The following VOPP1 variants were observed in gnomAD, a reference collection of about 807,000 sequenced individuals.
The protein encoded by VOPP1 is VOPP1 WW domain binding protein.
VOPP1 carries 8 observed loss-of-function variants against 23.5 expected under a neutral mutation model. The ratio of observed to expected loss-of-function variants is 0.34; its 90% CI spans 0.20 to 0.61. The LOEUF (loss-of-function observed/expected upper bound fraction) is 0.61. Among genes scored for constraint, VOPP1 ranks in the 20% least tolerant of loss-of-function variants. The probability of loss-of-function intolerance (pLI) is 0.78; values close to 1 mark genes in which losing one functional copy is unlikely to be tolerated. For synonymous variants in VOPP1, 83 were observed against 97.3 expected (o/e 0.85, Z 0.86); for missense variants, 174 against 238.1 (o/e 0.73, Z 1.77).
intron 1 of VOPP1, among the ~76,000 whole-genome samples, chr7:55,531,594 C>T (rs537653864): frequency 1.3e-5 from 2 of 152,232 alleles, no homozygotes; most frequent in East Asian, 3.9e-4. Flanking sequence ...TCAGGGGATC[C>T]GCCCACCTCG....
chr7:55,525,412 T>A (rs1796119083), intron 1 of VOPP1, among the ~76,000 whole-genome samples: 1 of 150,164 alleles, frequency 6.7e-6, no homozygotes, highest in African/African-American at 2.5e-5. Context: ...TGGCGTGAAC[T>A]CGGGAGGCGG....
chr7:55,462,591 T>C (rs936810017), intron 4 of VOPP1, among the ~76,000 whole-genome samples: 3 of 152,024 alleles, frequency 2.0e-5, no homozygotes, highest in Non-Finnish European at 4.4e-5. Flanking sequence ...TCAAAAGACC[T>C]GTCTTCAAAT....
At chr7:55,486,356 G>C (rs1793141586) in intron 4 of VOPP1, among the ~76,000 whole-genome samples, 1 of 152,222 alleles carries the variant, frequency 6.6e-6, no homozygotes, top group Admixed American at 6.5e-5. Context: ...AAAAACAGCT[G>C]CTGCTTTTGT....
chr7:55,552,830 C>T (rs1797667294), intron 1 of VOPP1: 2 of 1,439,956 alleles, frequency 1.4e-6, no homozygotes, highest in Admixed American at 2.7e-5. Flanking sequence ...CATGCTCAAC[C>T]CAGAAAGGTG....
chr7:55,475,737 G>C (rs549969649), intron 4 of VOPP1, among the ~76,000 whole-genome samples: 5 of 152,224 alleles, frequency 3.3e-5, no homozygotes, highest in Non-Finnish European at 7.3e-5. Context: ...AAGAGGCTGG[G>C]GTTGCAGAAA....
intron 4 of VOPP1, among the ~76,000 whole-genome samples, chr7:55,465,041 C>G (rs563010827): frequency 6.6e-6 from 1 of 152,288 alleles, no homozygotes; most frequent in South Asian, 2.1e-4. Flanking sequence ...TGCAGCTGGA[C>G]CAGCTGCTTT....
chr7:55,488,563 C>T (rs1017353679), intron 4 of VOPP1, among the ~76,000 whole-genome samples: 2 of 152,230 alleles, frequency 1.3e-5, no homozygotes, highest in East Asian at 1.9e-4. Flanking sequence ...CTCCCCTCCC[C>T]GACCAGAAGC....
At chr7:55,499,880 C>T (rs966577843) in intron 2 of VOPP1, among the ~76,000 whole-genome samples, 1 of 152,128 alleles carries the variant, frequency 6.6e-6, no homozygotes, top group Non-Finnish European at 1.5e-5. Flanking sequence ...CAAACAGTAC[C>T]TTCTGCAATT....
chr7:55,448,720 C>T (rs1426394917), intron 4 of VOPP1, among the ~76,000 whole-genome samples: 1 of 152,230 alleles, frequency 6.6e-6, no homozygotes, highest in East Asian at 1.9e-4. Context: ...CTCAGGTCTC[C>T]CGCATCCTAT....
At chr7:55,485,083 G>A (rs571947697) in intron 4 of VOPP1, among the ~76,000 whole-genome samples, 11 of 152,086 alleles carry the variant, frequency 7.2e-5, no homozygotes, top group Admixed American at 2.0e-4. Context: ...ATTAGCCCTG[G>A]GATTCTGTGA....
downstream of VOPP1, among the ~76,000 whole-genome samples, chr7:55,467,311 G>T (rs1273123572): frequency 6.6e-6 from 1 of 152,234 alleles, no homozygotes; most frequent in Non-Finnish European, 1.5e-5. Flanking sequence ...TGCACATGGG[G>T]TGAGGGGCAG....
intron 1 of VOPP1, among the ~76,000 whole-genome samples, chr7:55,566,479 T>C (rs963657752): frequency 2.2e-5 from 3 of 138,490 alleles, no homozygotes; most frequent in African/African-American, 8.3e-5. Context: ...GGAGAATCAC[T>C]TGAACCCAAA....
intron 1 of VOPP1, among the ~76,000 whole-genome samples, chr7:55,538,104 A>G (rs4327820): frequency 6.6e-6 from 1 of 152,162 alleles, no homozygotes; most frequent in East Asian, 1.9e-4. Flanking sequence ...CACCTCTTTC[A>G]CCAGCTGAAC....
intron 2 of VOPP1, among the ~76,000 whole-genome samples, chr7:55,507,990 T>C (rs1046683190): frequency 3.3e-5 from 5 of 152,328 alleles, no homozygotes; most frequent in African/African-American, 1.2e-4. Context: ...CTCTGACTTG[T>C]ATAAACCCAA....
intron 4 of VOPP1, among the ~76,000 whole-genome samples, chr7:55,446,412 A>T (rs1791103493): frequency 6.6e-6 from 1 of 152,224 alleles, no homozygotes; most frequent in Admixed American, 6.5e-5. Flanking sequence ...TAAACTGTGC[A>T]CATGTAACTT....
intron 4 of VOPP1, among the ~76,000 whole-genome samples, chr7:55,447,010 T>C (rs1023107603): frequency 6.6e-6 from 1 of 152,200 alleles, no homozygotes; most frequent in Non-Finnish European, 1.5e-5. Context: ...CAAAGCAGGG[T>C]GAACGGGCTT....
At chr7:55,468,807 T>C (rs1268964398), downstream of VOPP1, among the ~76,000 whole-genome samples, 2 of 152,114 alleles carry the variant, frequency 1.3e-5, no homozygotes, top group Admixed American at 6.5e-5. Flanking sequence ...GGAGGGAAGA[T>C]AATGTTTTCC....
In VOPP1 at chr7:55,471,230, G is replaced by C. The variant is rs543322011; in HGVS notation, c.*1625C>G. ...AGGCCTGCAGCATGGGAGGTACCAC[G>C]CTGGCAGTCAGCAGTCACACCAGGG... On this transcript the variant is annotated 3_prime_UTR_variant, in exon 5 of 5. Coordinates refer to ENST00000285279, the MANE Select transcript of VOPP1 (RefSeq NM_030796.5). 1 of 148,082 alleles carries C rather than the reference G, an allele frequency of 6.8e-6. No homozygotes were observed. The highest frequency in any genetic ancestry group is 6.8e-5 in the Admixed American group (1 of 14,780). 9.2% of individuals were successfully genotyped at this position (148,082 alleles called of 1,614,324 possible).
intron 1 of VOPP1, among the ~76,000 whole-genome samples, chr7:55,532,779 C>T (rs1796569649): frequency 6.6e-6 from 1 of 152,192 alleles, no homozygotes; most frequent in Non-Finnish European, 1.5e-5. Flanking sequence ...GAAGCACTGC[C>T]ACGTGTACTC....
Sources: gnomAD v4.1 joint callset for allele counts (sites outside exome capture counted in the v4.1 genomes callset) on GRCh38, gnomAD v4.1.1 for gene constraint, MANE v1.5 for transcripts, NCBI Gene and HGNC (gene_info 2026-07-23, HGNC 2026-07-21) for gene names.